Variants in MYO3A observed in about 807,000 individuals in gnomAD.
MYO3A encodes myosin-IIIa.
A neutral mutation model predicts 192.7 loss-of-function variants in MYO3A; 180 were observed. The observed-to-expected ratio is 0.93, with a 90% CI of 0.83 to 1.06. The LOEUF (loss-of-function observed/expected upper bound fraction) is 1.06. MYO3A is among the 50% of genes least tolerant of loss of function. MYO3A has a pLI of 0.00. For missense variants in MYO3A, 1,896 were observed against 1,905.0 expected (o/e 1.00, Z 0.09); for synonymous variants, 628 against 645.3 (o/e 0.97, Z 0.41).
At chr10:26,086,850 G>T (rs887011694) in intron 14 of MYO3A, among the ~76,000 whole-genome samples, 1 of 152,184 alleles carries the variant, frequency 6.6e-6, no homozygotes, top group Non-Finnish European at 1.5e-5. Context: ...TTGCTATTCT[G>T]TCCTGATCTG....
chr10:25,992,121 C>T (rs762527478), intron 4 of MYO3A, among the ~76,000 whole-genome samples: 12 of 149,470 alleles, frequency 8.0e-5, no homozygotes, highest in Non-Finnish European at 5.9e-5. Context: ...GCCATTTTCA[C>T]AATATTGATT....
intron 10 of MYO3A, among the ~76,000 whole-genome samples, chr10:26,032,456 A>T (rs1842844431): frequency 6.6e-6 from 1 of 152,134 alleles, no homozygotes; most frequent in Non-Finnish European, 1.5e-5. Context: ...CTCTACTAAA[A>T]ATACAAAAAA....
In MYO3A at chr10:25,967,521, C is replaced by T. The variant is rs998341827; in HGVS notation, c.303+12513C>T. On this transcript the variant is annotated intron_variant, in intron 4 of 34. Coordinates refer to ENST00000642920, the MANE Select transcript of MYO3A (RefSeq NM_017433.5). ...TATTATTAGAAGACAGCAAAATCTA[C>T]AATTCAATAATGTAACACTAAGAAT... 6.6e-5 allele frequency among the ~76,000 whole-genome samples: 10 copies of T among 152,260 alleles called. No homozygotes were observed. In the South Asian group the frequency reaches 8.3e-4, roughly 13 times the overall value.
chr10:26,179,045 G>A (rs1015352442), intron 31 of MYO3A, among the ~76,000 whole-genome samples: 3 of 147,490 alleles, frequency 2.0e-5, no homozygotes, highest in Non-Finnish European at 4.4e-5. Context: ...TGATCCGCCC[G>A]CCTTGGCCTC....
chr10:26,079,649 AT>A (rs1213750047), intron 14 of MYO3A, among the ~76,000 whole-genome samples: 2 of 152,000 alleles, frequency 1.3e-5, no homozygotes, highest in Admixed American at 1.3e-4. Flanking sequence ...TTCTGTTTTG[AT>A]GTGGTTCCAG....
At chr10:25,979,999 G>A (rs1839220121) in intron 4 of MYO3A, among the ~76,000 whole-genome samples, 1 of 152,174 alleles carries the variant, frequency 6.6e-6, no homozygotes, top group African/African-American at 2.4e-5. Context: ...CACTTTGGGA[G>A]GCCAAGGCGG....
chr10:26,026,764 C>T (rs555037076), intron 10 of MYO3A, among the ~76,000 whole-genome samples: 2 of 152,196 alleles, frequency 1.3e-5, no homozygotes, highest in Admixed American at 6.5e-5. Flanking sequence ...TGCAGAGGCA[C>T]GATCTCGGCT....
intron 4 of MYO3A, among the ~76,000 whole-genome samples, chr10:25,992,935 T>A (rs949145722): frequency 1.3e-5 from 2 of 152,240 alleles, no homozygotes; most frequent in Non-Finnish European, 1.5e-5. Flanking sequence ...GATATTTGCA[T>A]TGATGTTCAT....
At chr10:26,021,373 A>T in intron 7 of MYO3A, 130 bp from the exon 8 acceptor site, 2 of 1,077,208 alleles carry the variant, frequency 1.9e-6, no homozygotes, top group Non-Finnish European at 2.8e-6. Flanking sequence ...CTCCTAAGTT[A>T]CTGCCTTCGT....
At chr10:26,172,303 G>A (rs12266309) in intron 29 of MYO3A, among the ~76,000 whole-genome samples, 61,055 of 152,112 alleles carry the variant, frequency 0.4, 12,557 homozygotes, top group Middle Eastern at 0.5. Context: ...ATACCACAGC[G>A]GGGAGCTGGA....
In MYO3A at chr10:26,021,551, GAC is replaced by G. The variant is rs1842305705; in HGVS notation, c.637_638del (p.Thr213LeufsTer9). On this transcript the variant is annotated frameshift_variant, in exon 8 of 35. Transcript: ENST00000642920. LOFTEE classifies it high-confidence loss of function. ...GGATACCACTTATGACGCCAGATGT[GAC>G]ACTTGGTCCCTGGGTATCACGGCCA... ...QLDTTYDARC[D>X]TWSLGITAIE... 8.1e-6 allele frequency: 13 copies of G among 1,614,142 alleles called. No individual in the cohort carries two copies. Among genetic ancestry groups the G allele is most frequent in the Non-Finnish European group, 1.1e-5 (13 of 1,179,980 alleles).
rs78561686 is a variant in MYO3A at position 26,147,895 on chromosome 10, T to A, written c.2635+336T>A. Among the ~76,000 whole-genome samples the A allele has an allele frequency of 4.6e-3, 693 of 152,270 alleles. 7 individuals carry two copies. The highest frequency in any genetic ancestry group is 0.015 in the African/African-American group (638 of 41,532). ...GCAGCTTTTGGATGATTCTTTGAGG[T>A]TCCAAAAGTTTGGTGGGCTCTCTTA... is the stretch of plus-strand genomic sequence containing the variant. On this transcript the variant is annotated intron_variant, in intron 23 of 34. Coordinates refer to ENST00000642920, the MANE Select transcript of MYO3A (RefSeq NM_017433.5).
chr10:26,203,203 G>A, intron 34 of MYO3A, 96 bp downstream of exon 34: 1 of 1,314,566 alleles, frequency 7.6e-7, no homozygotes, highest in Non-Finnish European at 1.1e-6. Context: ...GAATGACAAA[G>A]CACTCTTACT....
rs1018437093 is a variant in MYO3A, at chr10:26,163,367, A to G, written c.3000-2700A>G. 7.2e-5 allele frequency among the ~76,000 whole-genome samples: 11 copies of G among 152,214 alleles called. 1 individual carries two copies. The highest frequency in any genetic ancestry group is 6.5e-4 in the Admixed American group (10 of 15,282). On this transcript the variant is annotated intron_variant, in intron 26 of 34. Transcript: ENST00000642920. Reference sequence around the variant, plus strand: ...AGGACATGATCAGATTTTCATTTAAAAAAAGATAATTCAGACAGAGCTGTG... The same window carrying G: ...AGGACATGATCAGATTTTCATTTAAGAAAAGATAATTCAGACAGAGCTGTG...
In MYO3A at chr10:25,975,066, GCTGA is replaced by G. The variant is rs543465783; in HGVS notation, c.303+20059_303+20062del. On this transcript the variant is annotated intron_variant, in intron 4 of 34. Coordinates refer to ENST00000642920, the MANE Select transcript of MYO3A (RefSeq NM_017433.5). Reference sequence around the variant, plus strand: ...AGGGAAGGATAAGACAGGAATTTATGCTGAATGAGTTGGCTAAGTATACATATTC... The same window carrying G: ...AGGGAAGGATAAGACAGGAATTTATGATGAGTTGGCTAAGTATACATATTC... Among the ~76,000 whole-genome samples the G allele has an allele frequency of 4.6e-5, 7 of 152,298 alleles. No homozygotes were observed. The South Asian group carries it at 1.4e-3, about 32-fold the overall frequency.
At chr10:26,003,700 A>G (rs1410230000) in intron 6 of MYO3A, among the ~76,000 whole-genome samples, 2 of 152,202 alleles carry the variant, frequency 1.3e-5, no homozygotes, top group African/African-American at 4.8e-5. Context: ...TCTTGAATAG[A>G]AAATGAAAGA....
Position 26,070,053 on chromosome 10 carries a change from A to G in MYO3A, c.1171-58A>G. The stretch of plus-strand genomic sequence containing the variant: ...AAAATTGGAGCTATATTTGTAAATA[A>G]TTCAGGACTTAAATAAAAACAAAAA... On this transcript the variant is annotated intron_variant, in intron 12 of 34. Coordinates refer to ENST00000642920, the MANE Select transcript of MYO3A (RefSeq NM_017433.5). 2.4e-6 allele frequency: 3 copies of G among 1,258,954 alleles called. No individual in the cohort carries two copies. The Admixed American group carries it at 5.7e-5, about 24-fold the overall frequency. 78.0% of individuals were successfully genotyped at this position (1,258,954 alleles called of 1,614,324 possible).
chr10:26,035,014 T>C (rs1842963675), intron 10 of MYO3A, among the ~76,000 whole-genome samples: 1 of 151,926 alleles, frequency 6.6e-6, no homozygotes, highest in African/African-American at 2.4e-5. Context: ...TTATCTTGGC[T>C]AAAATAAAAA....
At chr10:26,165,848 T>G (rs1841714764) in intron 26 of MYO3A, 1 of 607,192 alleles carries the variant, frequency 1.6e-6, no homozygotes, top group South Asian at 1.9e-5. Flanking sequence ...ATCACAAAGG[T>G]GAAAACACAA....
Sources: allele counts gnomAD v4.1 joint callset (sites outside exome capture counted in the v4.1 genomes callset), GRCh38; gene constraint gnomAD v4.1.1; transcripts MANE v1.5; gene names NCBI Gene and HGNC (gene_info 2026-07-23, HGNC 2026-07-21).